The following CDH12 variants were observed in gnomAD, a reference collection of about 807,000 sequenced individuals.
The protein encoded by CDH12 is cadherin 12, also known as cadherin-12.
A neutral mutation model predicts 74.1 loss-of-function variants in CDH12; 41 were observed. That is an observed-to-expected ratio of 0.55 (90% CI 0.43 to 0.72). The LOEUF (loss-of-function observed/expected upper bound fraction) is 0.72, where lower values mean the gene tolerates loss of function less well. Among genes scored for constraint, CDH12 ranks in the 30% least tolerant of loss-of-function variants. CDH12 has a pLI of 0.00. For missense variants in CDH12, 945 were observed against 977.2 expected (o/e 0.97, Z 0.44); for synonymous variants, 399 against 355.0 (o/e 1.12, Z -1.39).
chr5:22,590,043 G>C (rs188431555), intron 1 of CDH12, among the ~76,000 whole-genome samples: 4 of 152,200 alleles, frequency 2.6e-5, no homozygotes, highest in African/African-American at 9.6e-5. Flanking sequence ...TGGTATATAT[G>C]GGAGCTCTTT....
At chr5:22,595,873 C>G (rs370791945) in intron 1 of CDH12, among the ~76,000 whole-genome samples, 3 of 151,416 alleles carry the variant, frequency 2.0e-5, no homozygotes, top group African/African-American at 7.3e-5. Context: ...GTCAGGAGCT[C>G]GAGACCATCC....
chr5:22,787,493 G>A (rs75355848), intron 1 of CDH12, among the ~76,000 whole-genome samples: 7,663 of 151,942 alleles, frequency 0.05, 286 homozygotes, highest in South Asian at 0.11. Flanking sequence ...AAAAAGACAT[G>A]GTGTTAATGT....
intron 1 of CDH12, among the ~76,000 whole-genome samples, chr5:22,737,543 A>G (rs1744798042): frequency 6.6e-6 from 1 of 152,020 alleles, no homozygotes; most frequent in South Asian, 2.1e-4. Context: ...AATAAGACTT[A>G]GCTGAAAGAA....
chr5:22,253,477 C>G (rs1212945105), intron 3 of CDH12, among the ~76,000 whole-genome samples: 1 of 151,842 alleles, frequency 6.6e-6, no homozygotes, highest in Admixed American at 6.6e-5. Context: ...AAATAAAGTA[C>G]TTGTCTGAAT....
chr5:22,332,334 G>A (rs193263859), intron 3 of CDH12, among the ~76,000 whole-genome samples: 192 of 152,204 alleles, frequency 1.3e-3, no homozygotes, highest in African/African-American at 3.9e-3. Flanking sequence ...AAACCCTACA[G>A]GCCAGGAGAA....
intron 2 of CDH12, among the ~76,000 whole-genome samples, chr5:22,429,573 C>A (rs1004516083): frequency 6.6e-6 from 1 of 152,170 alleles, no homozygotes; most frequent in Non-Finnish European, 1.5e-5. Flanking sequence ...CTGCCATCAG[C>A]ACCATCCTAT....
At chr5:22,440,199 G>A (rs1266308628) in intron 2 of CDH12, among the ~76,000 whole-genome samples, 1 of 152,028 alleles carries the variant, frequency 6.6e-6, no homozygotes, top group Non-Finnish European at 1.5e-5. Flanking sequence ...ATGGAACCGA[G>A]AGCAACTTAA....
chr5:21,922,951 T>TATCTA (rs922919764), intron 6 of CDH12, among the ~76,000 whole-genome samples: 4 of 142,156 alleles, frequency 2.8e-5, no homozygotes, highest in Non-Finnish European at 6.1e-5. Context: ...TCTATATCTA[T>TATCTA]ATCTATATCT....
chr5:22,121,864 A>G (rs1320031211), intron 4 of CDH12, among the ~76,000 whole-genome samples: 1 of 152,108 alleles, frequency 6.6e-6, no homozygotes, highest in Non-Finnish European at 1.5e-5. Flanking sequence ...ATCCGCCATC[A>G]AAGATAATGA....
chr5:22,256,362 C>T (rs1398647421), intron 3 of CDH12, among the ~76,000 whole-genome samples: 1 of 152,120 alleles, frequency 6.6e-6, no homozygotes, highest in Non-Finnish European at 1.5e-5. Context: ...CATCACAATG[C>T]AATGCATTAC....
At chr5:21,832,840 A>AATCATATGATATATGATATAT (rs1470349701) in intron 8 of CDH12, among the ~76,000 whole-genome samples, 11 of 104,348 alleles carry the variant, frequency 1.1e-4, no homozygotes, top group East Asian at 2.6e-4. Flanking sequence ...TAATAATATA[A>AATCATATGATATATGATATAT]ATCATATGAT....
At chr5:22,327,243 A>G (rs1284734537) in intron 3 of CDH12, among the ~76,000 whole-genome samples, 2 of 152,194 alleles carry the variant, frequency 1.3e-5, no homozygotes, top group Non-Finnish European at 2.9e-5. Context: ...ATGTCTTCAG[A>G]CTTACCAAGA....
At chr5:22,781,317 T>C (rs1747372588) in intron 1 of CDH12, among the ~76,000 whole-genome samples, 1 of 152,226 alleles carries the variant, frequency 6.6e-6, no homozygotes, top group Non-Finnish European at 1.5e-5. Context: ...GGTCTAGAAT[T>C]GATACACATT....
At chr5:22,709,110 T>C in intron 1 of CDH12, among the ~76,000 whole-genome samples, 1 of 152,072 alleles carries the variant, frequency 6.6e-6, no homozygotes, top group South Asian at 2.1e-4. Flanking sequence ...TCAAGACAGT[T>C]GCAGTCTCCC....
At chr5:21,871,016 GC>G (rs1751589177) in intron 6 of CDH12, among the ~76,000 whole-genome samples, 1 of 152,160 alleles carries the variant, frequency 6.6e-6, no homozygotes, top group Admixed American at 6.5e-5. Flanking sequence ...ACAGGCATGA[GC>G]CACCATTCCC....
chr5:21,843,801 C>T (rs370728387), intron 7 of CDH12, among the ~76,000 whole-genome samples: 49 of 152,182 alleles, frequency 3.2e-4, no homozygotes, highest in African/African-American at 1.1e-3. Flanking sequence ...TCATCTCTAC[C>T]GATGAGTGTT....
At chr5:22,494,723 G>C (rs1220377031) in intron 2 of CDH12, among the ~76,000 whole-genome samples, 2 of 152,206 alleles carry the variant, frequency 1.3e-5, no homozygotes, top group Non-Finnish European at 2.9e-5. Flanking sequence ...AGGTGGGGCA[G>C]TGGCTCTAAT....
intron 7 of CDH12, among the ~76,000 whole-genome samples, chr5:21,842,931 T>TATGCAAAC (rs1278289007): frequency 1.3e-5 from 2 of 152,168 alleles, no homozygotes; most frequent in African/African-American, 4.8e-5. Flanking sequence ...ACAATGAGTG[T>TATGCAAAC]ATGCAAACCA....
chr5:22,302,932 G>T lies in CDH12; in HGVS notation c.-332-90289C>A, dbSNP rs187906046. 1.0e-3 allele frequency among the ~76,000 whole-genome samples: 154 copies of T among 152,176 alleles called. 2 individuals carry two copies. The highest frequency in any genetic ancestry group is 9.9e-3 in the Admixed American group (151 of 15,286). On this transcript the variant is annotated intron_variant, in intron 3 of 14. Transcript: ENST00000382254. ...AAAATATCATGTTAACCATTAGAGTGAAAGCTAAACTGGATGATAAATGTT... is the reference window on the plus strand; with the variant it reads ...AAAATATCATGTTAACCATTAGAGTTAAAGCTAAACTGGATGATAAATGTT...
Sources: gnomAD v4.1 joint callset for allele counts (sites outside exome capture counted in the v4.1 genomes callset) on GRCh38, gnomAD v4.1.1 for gene constraint, MANE v1.5 for transcripts, NCBI Gene and HGNC (gene_info 2026-07-23, HGNC 2026-07-21) for gene names.